YEATS4: variants seen among roughly 807,000 people sequenced by gnomAD.
The protein encoded by YEATS4 is YEATS domain containing 4.
A neutral mutation model predicts 30.1 loss-of-function variants in YEATS4; 17 were observed. That is an observed-to-expected ratio of 0.56 (90% CI 0.39 to 0.85). The LOEUF (loss-of-function observed/expected upper bound fraction) is 0.85, where lower values mean the gene tolerates loss of function less well. Among genes scored for constraint, YEATS4 ranks in the 40% least tolerant of loss-of-function variants. The pLI, the probability that YEATS4 is intolerant of heterozygous loss-of-function variation, is 0.00. For missense variants in YEATS4, 142 were observed against 268.3 expected, an observed-to-expected ratio of 0.53 and a Z score of 3.29; for synonymous variants, 85 against 87.5, an observed-to-expected ratio of 0.97 and a Z score of 0.16.
chr12:69,385,657 A>C (rs1385803754), intron 6 of YEATS4, among the ~76,000 whole-genome samples: 2 of 152,196 alleles, frequency 1.3e-5, no homozygotes, highest in Admixed American at 1.3e-4. Context: ...CCAAAAATTT[A>C]ATAGTATTTT....
At chr12:69,399,038 T>C in the YEATS4 span, among the ~76,000 whole-genome samples, 1 of 151,566 alleles carries the variant, frequency 6.6e-6, no homozygotes, top group African/African-American at 2.4e-5. Context: ...TCCCAGGTAC[T>C]CAGGATGCTG....
downstream of YEATS4, among the ~76,000 whole-genome samples, chr12:69,392,327 A>G (rs550378514): frequency 7.9e-5 from 12 of 152,344 alleles, no homozygotes; most frequent in African/African-American, 2.4e-4. Flanking sequence ...CAGCTTGGCA[A>G]TTCTTCAAAA....
At chr12:69,378,189 C>CT (rs556354669) in intron 6 of YEATS4, among the ~76,000 whole-genome samples, 10 of 151,164 alleles carry the variant, frequency 6.6e-5, no homozygotes, top group East Asian at 3.9e-4. Context: ...CATGCAATAT[C>CT]TTTTTTTTTC....
the YEATS4 span, among the ~76,000 whole-genome samples, chr12:69,404,169 C>T: frequency 6.6e-6 from 1 of 152,166 alleles, no homozygotes; most frequent in African/African-American, 2.4e-5. Flanking sequence ...ATTCTGTTAC[C>T]TCCTAAATGA....
intron 6 of YEATS4, among the ~76,000 whole-genome samples, chr12:69,377,271 AT>A (rs2121001044): frequency 6.6e-6 from 1 of 152,026 alleles, no homozygotes; most frequent in East Asian, 1.9e-4. Flanking sequence ...TAGATATTTT[AT>A]TTGAAGTTTT....
At chr12:69,375,195 C>T (rs1013710333) in intron 6 of YEATS4, among the ~76,000 whole-genome samples, 57 of 149,064 alleles carry the variant, frequency 3.8e-4, no homozygotes, top group Admixed American at 3.0e-3. Flanking sequence ...ACGGGGCGGC[C>T]GGTCAGAGAC....
At chr12:69,368,654 A>G (rs555406222) in intron 4 of YEATS4, among the ~76,000 whole-genome samples, 9 of 152,314 alleles carry the variant, frequency 5.9e-5, no homozygotes, top group Non-Finnish European at 1.0e-4. Context: ...ACAGATCTGA[A>G]GGCTAGAAGT....
At chr12:69,377,062 C>CT (rs755744148) in intron 6 of YEATS4, among the ~76,000 whole-genome samples, 6 of 152,022 alleles carry the variant, frequency 3.9e-5, no homozygotes, top group Non-Finnish European at 8.8e-5. Context: ...CTTTTTCATC[C>CT]TTTGAGTTTT....
At chr12:69,375,794 C>A (rs372320043) in intron 6 of YEATS4, among the ~76,000 whole-genome samples, 1 of 151,888 alleles carries the variant, frequency 6.6e-6, no homozygotes, top group Non-Finnish European at 1.5e-5. Context: ...CCCAGGCACT[C>A]GGCAGGCTGA....
the YEATS4 span, among the ~76,000 whole-genome samples, chr12:69,421,365 G>A: frequency 5.3e-4 from 80 of 152,246 alleles, no homozygotes; most frequent in African/African-American, 1.8e-3. Context: ...CAATTACTGA[G>A]TAAAAACATT....
At chr12:69,407,875 C>T in the YEATS4 span, among the ~76,000 whole-genome samples, 1 of 151,986 alleles carries the variant, frequency 6.6e-6, no homozygotes, top group Non-Finnish European at 1.5e-5. Context: ...TGCCACCACG[C>T]CTGGCTGATT....
chr12:69,413,527 C>T, the YEATS4 span, among the ~76,000 whole-genome samples: 16 of 97,378 alleles, frequency 1.6e-4, no homozygotes, highest in Non-Finnish European at 3.2e-4. Flanking sequence ...CCATCTCCAT[C>T]CCCCCGTCAA....
At chr12:69,379,083 A>G (rs1041036519) in intron 6 of YEATS4, among the ~76,000 whole-genome samples, 5 of 152,202 alleles carry the variant, frequency 3.3e-5, no homozygotes, top group African/African-American at 1.2e-4. Flanking sequence ...GCCACTTTCT[A>G]CTGGCCTATA....
At chr12:69,410,414 T>C in the YEATS4 span, among the ~76,000 whole-genome samples, 3 of 152,230 alleles carry the variant, frequency 2.0e-5, no homozygotes, top group Non-Finnish European at 4.4e-5. Flanking sequence ...TTAAAACTTC[T>C]TATAATGAGC....
At chr12:69,410,362 A>C in the YEATS4 span, among the ~76,000 whole-genome samples, 1 of 152,224 alleles carries the variant, frequency 6.6e-6, no homozygotes, top group Non-Finnish European at 1.5e-5. Flanking sequence ...GAAATTCTAT[A>C]TATTAAGAGT....
At chr12:69,371,225 CCT>C (rs1224838124) in intron 6 of YEATS4, among the ~76,000 whole-genome samples, 1 of 152,118 alleles carries the variant, frequency 6.6e-6, no homozygotes, top group Non-Finnish European at 1.5e-5. Flanking sequence ...TGTTTTATTC[CCT>C]AATTACATTT....
intron 4 of YEATS4, among the ~76,000 whole-genome samples, chr12:69,367,822 A>C (rs1016628953): frequency 6.6e-6 from 1 of 152,212 alleles, no homozygotes; most frequent in Non-Finnish European, 1.5e-5. Flanking sequence ...GAAGCAGCTC[A>C]TATGTTACTA....
At position 69,359,927 on chromosome 12, in the gene YEATS4, C is replaced by G. The variant is rs199748516; in HGVS notation, c.-46C>G. The G allele has an allele frequency of 3.1e-6, 5 of 1,610,638 alleles. No individual in the cohort carries two copies. Among genetic ancestry groups the G allele is most frequent in the Non-Finnish European group, 1.7e-6 (2 of 1,178,058 alleles). On this transcript the variant is annotated 5_prime_UTR_variant, in exon 1 of 7. Coordinates refer to ENST00000247843, the MANE Select transcript of YEATS4 (RefSeq NM_006530.4). ...CTGAGGGGAGCGGCGACCCCGCCAG[C>G]CCCGGTCTCTTTCCCTGGCGGCGGC...
downstream of YEATS4, among the ~76,000 whole-genome samples, chr12:69,394,935 A>G (rs1489307515): frequency 6.6e-6 from 1 of 152,156 alleles, no homozygotes; most frequent in African/African-American, 2.4e-5. Flanking sequence ...AACATACTAT[A>G]CTTTTATTTG....
Sources: gnomAD v4.1 joint callset for allele counts (sites outside exome capture counted in the v4.1 genomes callset) on GRCh38, gnomAD v4.1.1 for gene constraint, MANE v1.5 for transcripts, NCBI Gene and HGNC (gene_info 2026-07-23, HGNC 2026-07-21) for gene names.